Variants in ARHGEF2 observed in about 807,000 individuals in gnomAD.
ARHGEF2 encodes rho guanine nucleotide exchange factor 2.
ARHGEF2 carries 22 observed loss-of-function variants against 121.0 expected under a neutral mutation model. The observed-to-expected ratio is 0.18, with a 90% CI of 0.13 to 0.26. The LOEUF is 0.26. Among genes scored for constraint, ARHGEF2 ranks in the 10% least tolerant of loss-of-function variants. ARHGEF2 has a pLI of 1.00. For missense variants in ARHGEF2, 907 were observed against 1,336.0 expected, an observed-to-expected ratio of 0.68 and a Z score of 5.01; for synonymous variants, 487 against 530.0, an observed-to-expected ratio of 0.92 and a Z score of 1.11.
intron 21 of ARHGEF2, among the ~76,000 whole-genome samples, chr1:155,948,961 T>G (rs1040353798): frequency 6.6e-6 from 1 of 152,154 alleles, no homozygotes; most frequent in Admixed American, 6.5e-5. Flanking sequence ...AAAAAAATTT[T>G]GGGGGACCAG....
In ARHGEF2 at chr1:155,952,892, G is replaced by A. The variant is rs1208970531; in HGVS notation, c.1784-64C>T. The A allele has an allele frequency of 2.0e-6, 3 of 1,524,994 alleles. No individual in the cohort carries two copies. The East Asian group carries it at 6.8e-5, about 35-fold the overall frequency. 94.5% of individuals were successfully genotyped at this position (1,524,994 alleles called of 1,614,324 possible). On this transcript the variant is annotated intron_variant, in intron 14 of 21. Transcript: ENST00000361247. ...GGGGTATGCAAGAGCGCCAGTAGAG[G>A]ACAGCCCTAGGGGAGAGGGGTAGGG...
At position 155,978,400 on chromosome 1, in the gene ARHGEF2, C is replaced by G. The variant is rs915137620; in HGVS notation, c.28G>C (p.Ala10Pro). Reference protein sequence around the residue: MSRIESLTRARIDRSRELAS... With the variant: MSRIESLTRPRIDRSRELAS... ...AGCTCTCTGCTCCGGTCGATCCGCG[C>G]CCGCGTGAGGGATTCGATCCGAGAC... The change falls in exon 1 of 22, where the codon GCG becomes CCG. Residue 10 changes from alanine (A) to proline (P), a missense_variant. Coordinates refer to ENST00000361247, the MANE Select transcript of ARHGEF2 (RefSeq NM_001162383.2). The surrounding 1 kb of genome is among the most constrained non-coding windows in gnomAD (Gnocchi z 4.1). The G allele has an allele frequency of 2.8e-5, 42 of 1,518,774 alleles. No individual in the cohort carries two copies. The allele number at this position is 1,518,774 out of a possible 1,614,324, so 94.1% of individuals were successfully genotyped here.
intron 14 of ARHGEF2, among the ~76,000 whole-genome samples, chr1:155,953,381 G>A (rs1675924776): frequency 6.6e-6 from 1 of 152,036 alleles, no homozygotes; most frequent in Admixed American, 6.6e-5. Flanking sequence ...ACACATGGCT[G>A]CCCAGTTAAC....
Position 155,951,565 on chromosome 1 carries a change from A to G in ARHGEF2, c.2209-32T>C, listed in dbSNP as rs1675461534. On this transcript the variant is annotated intron_variant, in intron 18 of 21. Transcript: ENST00000361247. The surrounding 1 kb of genome is among the most constrained non-coding windows in gnomAD (Gnocchi z 5.1). ...ACAGACAGGGTGGGAACAGGGCCCC[A>G]GCTTTAGGATGGGAGAACTGCCCAA... is the stretch of plus-strand genomic sequence containing the variant. The G allele has an allele frequency of 6.2e-7, 1 of 1,614,144 alleles. No individual in the cohort carries two copies. Among genetic ancestry groups the G allele is most frequent in the African/African-American group, 1.3e-5 (1 of 75,038 alleles).
intron 14 of ARHGEF2, 25 bp from the exon 15 acceptor site, chr1:155,952,853 C>T: frequency 6.2e-7 from 1 of 1,613,164 alleles, no homozygotes; most frequent in Non-Finnish European, 8.5e-7. Flanking sequence ...CAAGTGAGGA[C>T]ATGAGAGGAC....
intron 7 of ARHGEF2, among the ~76,000 whole-genome samples, chr1:155,964,782 G>C (rs1398389232): frequency 6.6e-6 from 1 of 151,696 alleles, no homozygotes; most frequent in Non-Finnish European, 1.5e-5. Context: ...TAGCCAGCAT[G>C]GTGGCAGGCG....
At position 155,947,858 on chromosome 1, in the gene ARHGEF2, C is replaced by T. The variant is rs1428716640; in HGVS notation, c.*84G>A. 7 of 761,336 alleles carry T rather than the reference C, an allele frequency of 9.2e-6. No homozygotes were observed. The highest frequency in any genetic ancestry group is 8.2e-5 in the Admixed American group (3 of 36,688). The allele number at this position is 761,336 out of a possible 1,614,324, so 47.2% of individuals were successfully genotyped here. A position where few individuals can be genotyped will look rare whatever the true frequency, so the allele number is the denominator to read the frequency against. On this transcript the variant is annotated 3_prime_UTR_variant, in exon 22 of 22. Coordinates refer to ENST00000361247, the MANE Select transcript of ARHGEF2 (RefSeq NM_001162383.2). ...TTTGCAGTTCTTTCAAATGTTCCCT[C>T]ATCATTGGCAAATTGGAGTCCCCAA...
intron 7 of ARHGEF2, among the ~76,000 whole-genome samples, chr1:155,964,561 G>C (rs1217554402): frequency 6.6e-6 from 1 of 152,066 alleles, no homozygotes; most frequent in South Asian, 2.1e-4. Flanking sequence ...TGGGCAACCT[G>C]TGGGATACCA....
intron 1 of ARHGEF2, chr1:155,972,202 C>T (rs887803071): frequency 4.4e-6 from 2 of 459,484 alleles, no homozygotes; most frequent in African/African-American, 4.0e-5. Context: ...ATCAATGCTC[C>T]ACAGACAGCC....
intron 1 of ARHGEF2, 128 bp from the exon 2 acceptor site, chr1:155,969,428 T>G: frequency 6.7e-7 from 1 of 1,501,858 alleles, no homozygotes; most frequent in Non-Finnish European, 8.9e-7. Context: ...AAGACACCAG[T>G]TCCTAAAGCA....
Position 155,951,495 on chromosome 1 carries a change from T to C in ARHGEF2, c.2247A>G (p.Leu749=). Residue 749 remains leucine (L), a synonymous_variant, in exon 19 of 22, where the codon CTA becomes CTG. Transcript: ENST00000361247. The surrounding 1 kb of genome is among the most constrained non-coding windows in gnomAD (Gnocchi z 5.1). ...LQRLVNLYGL[L]HGLQAAVAQQ... ...TTGTCCTACTGACCTGTAGGCCATG[T>C]AGAAGTCCATAGAGATTGACCAATC... 2 of 1,614,118 alleles carry C rather than the reference T, an allele frequency of 1.2e-6. No homozygotes were observed. Among genetic ancestry groups the C allele is most frequent in the Non-Finnish European group, 1.7e-6 (2 of 1,180,010 alleles).
chr1:155,964,176 A>ATATATATATGTG (rs1553244942), intron 7 of ARHGEF2, among the ~76,000 whole-genome samples: 1 of 95,522 alleles, frequency 1.0e-5, no homozygotes, highest in Non-Finnish European at 1.9e-5. Flanking sequence ...AAATATATAT[A>ATATATATATGTG]TATATATATA....
Position 155,978,483 on chromosome 1 carries a change from T to G in ARHGEF2, c.-56A>C. On this transcript the variant is annotated 5_prime_UTR_variant, in exon 1 of 22. Transcript: ENST00000361247. The surrounding 1 kb of genome is among the most constrained non-coding windows in gnomAD (Gnocchi z 4.1). The stretch of plus-strand genomic sequence containing the variant: ...CGCGGACCCCGGCGTCCTGTATTGT[T>G]GGGGGAAGGCGGGGGGAGGGGTTCG... 1 of 1,367,180 alleles carries G rather than the reference T, an allele frequency of 7.3e-7. No homozygotes were observed. The highest frequency in any genetic ancestry group is 1.6e-5 in the South Asian group (1 of 61,336). 84.7% of individuals were successfully genotyped at this position (1,367,180 alleles called of 1,614,324 possible). A position where few individuals can be genotyped will look rare whatever the true frequency, so the allele number is the denominator to read the frequency against.
chr1:155,966,808 C>T lies in ARHGEF2; in HGVS notation c.276+12G>A. 1 of 1,609,026 alleles carries T rather than the reference C, an allele frequency of 6.2e-7. No homozygotes were observed. The highest frequency in any genetic ancestry group is 8.5e-7 in the Non-Finnish European group (1 of 1,175,510). Reference sequence around the variant, plus strand: ...CCTCTCCCCCAGCCCTCTGCCCTCCCTGCCGTCTCACCTTCTGCTTGACCT... The same window carrying T: ...CCTCTCCCCCAGCCCTCTGCCCTCCTTGCCGTCTCACCTTCTGCTTGACCT... On this transcript the variant is annotated intron_variant, in intron 3 of 21. Transcript: ENST00000361247.
chr1:155,965,810 C>G lies in ARHGEF2; in HGVS notation c.341-50G>C. 1.9e-6 allele frequency: 3 copies of G among 1,551,420 alleles called. No homozygotes were observed. The highest frequency in any genetic ancestry group is 2.1e-4 in the Middle Eastern group (1 of 4,666). On this transcript the variant is annotated intron_variant, in intron 4 of 21. Transcript: ENST00000361247. This position sits in a 1 kb window ranked among gnomAD's most constrained non-coding sequence, Gnocchi z 6.0. ...GCAAACATCAGACTCTGGTGCTTCC[C>G]AGGATTGAGGCCTCCTAGGCTCCTC...
At chr1:155,966,350 G>T in intron 4 of ARHGEF2, 66 bp downstream of exon 4, 1 of 1,506,646 alleles carries the variant, frequency 6.6e-7, no homozygotes, top group Non-Finnish European at 9.2e-7. Flanking sequence ...GGGCAGCAGA[G>T]CCCATGGGTT....
chr1:155,955,407 CGCGCCCG>C (rs1390896815), intron 13 of ARHGEF2, among the ~76,000 whole-genome samples: 2 of 151,838 alleles, frequency 1.3e-5, no homozygotes, highest in African/African-American at 4.8e-5. Context: ...CATGAGCCAC[CGCGCCCG>C]GCCGACCTTC....
chr1:155,977,318 A>G (rs1461756730), intron 1 of ARHGEF2, among the ~76,000 whole-genome samples: 1 of 152,030 alleles, frequency 6.6e-6, no homozygotes, highest in Non-Finnish European at 1.5e-5. Flanking sequence ...CAGCTTCATC[A>G]TTTCCTGGGG....
Position 155,965,786 on chromosome 1 carries a change from C to A in ARHGEF2, c.341-26G>T. ...CTGTGGGGGAGAGATGCCCAGCAGGCAAACATCAGACTCTGGTGCTTCCCA... is the reference window on the plus strand; with the variant it reads ...CTGTGGGGGAGAGATGCCCAGCAGGAAAACATCAGACTCTGGTGCTTCCCA... On this transcript the variant is annotated intron_variant, in intron 4 of 21. Transcript: ENST00000361247. The surrounding 1 kb of genome is among the most constrained non-coding windows in gnomAD (Gnocchi z 6.0). The A allele has an allele frequency of 6.3e-7, 1 of 1,577,378 alleles. No homozygotes were observed. The highest frequency in any genetic ancestry group is 8.5e-7 in the Non-Finnish European group (1 of 1,169,938).
Sources: allele counts gnomAD v4.1 joint callset (sites outside exome capture counted in the v4.1 genomes callset), GRCh38; gene constraint gnomAD v4.1.1; non-coding constraint Gnocchi (gnomAD v3.1); transcripts MANE v1.5; gene names NCBI Gene and HGNC (gene_info 2026-07-23, HGNC 2026-07-21).